GTF3C1: variants seen among roughly 807,000 people sequenced by gnomAD.
The protein encoded by GTF3C1 is general transcription factor 3C polypeptide 1.
In GTF3C1, 57 loss-of-function variants were observed where a neutral mutation model predicts 226.7. The observed-to-expected ratio is 0.25, with a 90% CI of 0.20 to 0.31. The LOEUF is 0.31. GTF3C1 is among the 10% of genes least tolerant of loss of function. The probability of loss-of-function intolerance (pLI) is 1.00; values close to 1 mark genes in which losing one functional copy is unlikely to be tolerated. For synonymous variants in GTF3C1, 1,090 were observed against 1,084.8 expected (o/e 1.00, Z -0.09); for missense variants, 2,217 against 2,776.1 (o/e 0.80, Z 4.53).
chr16:27,534,065 A>C (rs1028739126), intron 4 of GTF3C1, among the ~76,000 whole-genome samples: 1 of 152,208 alleles, frequency 6.6e-6, no homozygotes, highest in African/African-American at 2.4e-5. Context: ...CTACAAAGTT[A>C]ACACACTTTA....
chr16:27,465,312 G>A lies in GTF3C1; in HGVS notation c.5303C>T (p.Ala1768Val), dbSNP rs1055716419. 3.7e-6 allele frequency: 6 copies of A among 1,613,970 alleles called. No homozygotes were observed. Among genetic ancestry groups the A allele is most frequent in the Middle Eastern group, 3.3e-4 (2 of 6,084 alleles). ...DKEELRRRFS[A>V]LEKAGGGRTR... ...GCGCCCACCACCTGCCTTCTCCAAGGCCGAGAACCGTCTGCGCAGCTCCTC... is the reference window on the plus strand; with the variant it reads ...GCGCCCACCACCTGCCTTCTCCAAGACCGAGAACCGTCTGCGCAGCTCCTC... Residue 1768 changes from alanine (A) to valine (V), a missense_variant, in exon 33 of 37, where the codon GCC becomes GTC. Ala to Val is a moderately conservative substitution (Grantham distance 64, BLOSUM62 0). Around this residue, in one of 12 missense-constraint regions of GTF3C1, gnomAD observed 455 missense variants for 441.9 expected, o/e 1.03. Transcript: ENST00000356183.
intron 5 of GTF3C1, among the ~76,000 whole-genome samples, chr16:27,530,477 A>G (rs530019177): frequency 1.2e-4 from 19 of 152,288 alleles, no homozygotes; most frequent in Non-Finnish European, 1.2e-4. Flanking sequence ...CAGAAAGAGA[A>G]AGAGGCAGTG....
rs2088498335 is a variant in GTF3C1 at position 27,507,141 on chromosome 16, C to T, written c.1258G>A (p.Glu420Lys). ...TACTTGGTGGTTCGCTGCCGACCTT[C>T]GTCTTCCATGAATCCCTAGAGGGAA... is the stretch of plus-strand genomic sequence containing the variant. The part of the protein sequence containing the change: ...FKVVKGFMED[E>K]GRQRTTKYIS... The change falls in exon 9 of 37, where the codon GAA becomes AAA. Residue 420 changes from glutamate (E) to lysine (K), a missense_variant. Physicochemically the swap from Glu to Lys is moderately conservative, Grantham distance 56 (BLOSUM62 1). Coordinates refer to ENST00000356183, the MANE Select transcript of GTF3C1 (RefSeq NM_001520.4). This position sits in a 1 kb window ranked among gnomAD's most constrained non-coding sequence, Gnocchi z 4.9. 6.2e-7 allele frequency: 1 copy of T among 1,606,834 alleles called. No individual in the cohort carries two copies. Among genetic ancestry groups the T allele is most frequent in the South Asian group, 1.1e-5 (1 of 90,820 alleles).
chr16:27,539,794 C>T lies in GTF3C1; in HGVS notation c.432-1438G>A, dbSNP rs944825899. The stretch of plus-strand genomic sequence containing the variant: ...TATCGTGGGAGTGGGTTAGTTATCT[C>T]AGGAGTGGGACGTCCTTTCCAGATG... On this transcript the variant is annotated intron_variant, in intron 2 of 36. Transcript: ENST00000356183. 4.6e-5 allele frequency among the ~76,000 whole-genome samples: 7 copies of T among 152,274 alleles called. No homozygotes were observed. The East Asian group carries it at 5.8e-4, about 13-fold the overall frequency.
chr16:27,508,272 A>C (rs1279773427), intron 8 of GTF3C1, among the ~76,000 whole-genome samples: 1 of 152,144 alleles, frequency 6.6e-6, no homozygotes, highest in Non-Finnish European at 1.5e-5. Context: ...CAGCCTCCCA[A>C]AGTGTTGGGA....
At chr16:27,483,771 A>T (rs2088092953) in intron 25 of GTF3C1, among the ~76,000 whole-genome samples, 1 of 152,218 alleles carries the variant, frequency 6.6e-6, no homozygotes, top group African/African-American at 2.4e-5. Flanking sequence ...AACATGGCAG[A>T]GGGCATCCTG....
At chr16:27,482,542 T>A in intron 26 of GTF3C1, 1 of 456,080 alleles carries the variant, frequency 2.2e-6, no homozygotes, top group Non-Finnish European at 4.4e-6. Flanking sequence ...AGGTAGCCTC[T>A]CCTTGTCCAC....
Position 27,478,483 on chromosome 16 carries a change from C to T in GTF3C1, c.4245G>A (p.Glu1415=). The change falls in exon 28 of 37, where the codon GAG becomes GAA. Residue 1415 remains glutamate, a synonymous_variant. Transcript: ENST00000356183. ...TCAGTACTTACCTGTTAAGTTCATC[C>T]TCTTTCCTGGTTTGATCTTTTTCAT... The part of the protein sequence containing the change: ...IGDEKDQTRK[E]DELNSVDDIH... 6.2e-7 allele frequency: 1 copy of T among 1,607,630 alleles called. No individual in the cohort carries two copies. The highest frequency in any genetic ancestry group is 8.5e-7 in the Non-Finnish European group (1 of 1,174,088).
At chr16:27,501,131 T>C in intron 12 of GTF3C1, 60 bp downstream of exon 12, 1 of 1,414,606 alleles carries the variant, frequency 7.1e-7, no homozygotes, top group Non-Finnish European at 9.9e-7. Flanking sequence ...CAAGAGAAGC[T>C]AGACAAAAAC....
At position 27,507,750 on chromosome 16, in the gene GTF3C1, G is replaced by C. The variant is rs2088508920; in HGVS notation, c.1243-594C>G. On this transcript the variant is annotated intron_variant, in intron 8 of 36. Coordinates refer to ENST00000356183, the MANE Select transcript of GTF3C1 (RefSeq NM_001520.4). The surrounding 1 kb of genome is among the most constrained non-coding windows in gnomAD (Gnocchi z 4.9). ...ATACTGCCTTCCAGCCAGATGACCA[G>C]ATCGTGAGCAAGATGAGAGTGGCAT... Among the ~76,000 whole-genome samples the C allele has an allele frequency of 6.6e-6, 1 of 152,262 alleles. No individual in the cohort carries two copies. The highest frequency in any genetic ancestry group is 1.5e-5 in the Non-Finnish European group (1 of 68,044).
At position 27,471,561 on chromosome 16, in the gene GTF3C1, T is replaced by C. The variant is rs1480997987; in HGVS notation, c.4526+187A>G. 1 of 566,028 alleles carries C rather than the reference T, an allele frequency of 1.8e-6. No homozygotes were observed. Among genetic ancestry groups the C allele is most frequent in the East Asian group, 2.8e-5 (1 of 35,170 alleles). The allele number at this position is 566,028 out of a possible 1,614,324, so 35.1% of individuals were successfully genotyped here. A position where few individuals can be genotyped will look rare whatever the true frequency, so the allele number is the denominator to read the frequency against. Reference sequence around the variant, plus strand: ...GCCAACACAAAGAAGCTGCCAGCGCTCACCTGATCCCCATACCACGAAGGA... The same window carrying C: ...GCCAACACAAAGAAGCTGCCAGCGCCCACCTGATCCCCATACCACGAAGGA... On this transcript the variant is annotated intron_variant, in intron 30 of 36. Transcript: ENST00000356183. The surrounding 1 kb of genome is among the most constrained non-coding windows in gnomAD (Gnocchi z 5.0).
At position 27,508,928 on chromosome 16, in the gene GTF3C1, A is replaced by G. The variant is rs189955797; in HGVS notation, c.1127-273T>C. On this transcript the variant is annotated intron_variant, in intron 7 of 36. Coordinates refer to ENST00000356183, the MANE Select transcript of GTF3C1 (RefSeq NM_001520.4). ...TTAAAACACTAAATGTCAGGTGATC[A>G]ACAGCTGAAATACTAAAATGCAAGA... Among the ~76,000 whole-genome samples, 8 of 152,328 alleles carry G rather than the reference A, an allele frequency of 5.3e-5. No homozygotes were observed. In the East Asian group the frequency reaches 1.5e-3, roughly 29 times the overall value.
Position 27,503,004 on chromosome 16 carries a change from G to C in GTF3C1, c.1771-9C>G. ...AGGGAACTGCTACTCTCCTAGAACA[G>C]AGACCGAAAGCACAAGATGCAATGG... On this transcript the variant is annotated splice_polypyrimidine_tract_variant and intron_variant, in intron 10 of 36. Transcript: ENST00000356183. The C allele has an allele frequency of 6.2e-7, 1 of 1,611,040 alleles. No individual in the cohort carries two copies. Among genetic ancestry groups the C allele is most frequent in the Non-Finnish European group, 8.5e-7 (1 of 1,177,298 alleles).
chr16:27,523,568 T>C (rs1340650807), intron 6 of GTF3C1, among the ~76,000 whole-genome samples: 1 of 152,172 alleles, frequency 6.6e-6, no homozygotes, highest in Admixed American at 6.5e-5. Flanking sequence ...CCTTGCCTCC[T>C]GCGCACGGAA....
Position 27,472,004 on chromosome 16 carries a change from C to G in GTF3C1, c.4354-84G>C, listed in dbSNP as rs1356328186. On this transcript the variant is annotated intron_variant, in intron 29 of 36. Transcript: ENST00000356183. ...GGGTATGTGGAGGCAGAGGCTGCGG[C>G]TGATGCTTTATAGAGGAAGTGACCG... 4.9e-6 allele frequency: 6 copies of G among 1,225,038 alleles called. No homozygotes were observed. The Admixed American group carries it at 1.1e-4, about 23-fold the overall frequency. 75.9% of individuals were successfully genotyped at this position (1,225,038 alleles called of 1,614,324 possible). A position where few individuals can be genotyped will look rare whatever the true frequency, so the allele number is the denominator to read the frequency against.
chr16:27,510,045 T>C lies in GTF3C1; in HGVS notation c.1127-1390A>G, dbSNP rs189336632. 3.4e-4 allele frequency among the ~76,000 whole-genome samples: 52 copies of C among 151,830 alleles called. 1 individual carries two copies. Among genetic ancestry groups the C allele is most frequent in the African/African-American group, 1.1e-3 (46 of 41,408 alleles). On this transcript the variant is annotated intron_variant, in intron 7 of 36. Coordinates refer to ENST00000356183, the MANE Select transcript of GTF3C1 (RefSeq NM_001520.4). ...GGGTGGATCACCTGAGGTTAGGAGT[T>C]CGAGACCCACCTGACCAGCATGATG...
At chr16:27,511,970 C>A (rs1439373113) in intron 6 of GTF3C1, 69 bp from the exon 7 acceptor site, 3 of 1,540,338 alleles carry the variant, frequency 1.9e-6, no homozygotes, top group African/African-American at 2.7e-5. Context: ...GTGAGGGGTT[C>A]TGAAATATCA....
In GTF3C1 at chr16:27,469,316, A is replaced by G. The variant is rs769841807; in HGVS notation, c.5049T>C (p.Pro1683=). Residue 1683 remains proline, a synonymous_variant, in exon 32 of 37, where the codon CCT becomes CCC. Coordinates refer to ENST00000356183, the MANE Select transcript of GTF3C1 (RefSeq NM_001520.4). This position sits in a 1 kb window ranked among gnomAD's most constrained non-coding sequence, Gnocchi z 4.5. The part of the protein sequence containing the change: ...CQMKFQLRCT[P]VPARLRPAAA... Reference sequence around the variant, plus strand: ...CAGCGGGCCTGAGCCGGGCGGGCACAGGGGTGCAGCGGAGCTGGAACTTCA... The same window carrying G: ...CAGCGGGCCTGAGCCGGGCGGGCACGGGGGTGCAGCGGAGCTGGAACTTCA... 1.3e-6 allele frequency: 2 copies of G among 1,576,638 alleles called. No homozygotes were observed. The highest frequency in any genetic ancestry group is 1.7e-4 in the Middle Eastern group (1 of 6,006).
chr16:27,520,891 G>A (rs1274586236), intron 6 of GTF3C1, among the ~76,000 whole-genome samples: 1 of 152,148 alleles, frequency 6.6e-6, no homozygotes, highest in Non-Finnish European at 1.5e-5. Flanking sequence ...ACTAATTTTT[G>A]TATTTTTAGC....
Sources: gnomAD v4.1 joint callset for allele counts (sites outside exome capture counted in the v4.1 genomes callset) on GRCh38, gnomAD v4.1.1 for gene constraint, gnomAD v4.1.1 regional missense constraint, Gnocchi (gnomAD v3.1) non-coding constraint, MANE v1.5 for transcripts, NCBI Gene and HGNC (gene_info 2026-07-23, HGNC 2026-07-21) for gene names.